MBTPS1: variants seen among roughly 807,000 people sequenced by gnomAD.
MBTPS1 encodes membrane bound transcription factor peptidase, site 1.
MBTPS1 carries 94 observed loss-of-function variants against 127.8 expected under a neutral mutation model. That is an observed-to-expected ratio of 0.74 (90% CI 0.62 to 0.87). The LOEUF (loss-of-function observed/expected upper bound fraction) is 0.87, where lower values mean the gene tolerates loss of function less well. MBTPS1 is among the 40% of genes least tolerant of loss of function. The pLI is 0.00. For missense variants in MBTPS1, 1,636 were observed against 1,353.2 expected (o/e 1.21, Z -3.28); for synonymous variants, 632 against 509.4 (o/e 1.24, Z -3.24).
chr16:84,062,896 TAA>T (rs1407812323), intron 19 of MBTPS1, among the ~76,000 whole-genome samples: 1 of 151,912 alleles, frequency 6.6e-6, no homozygotes. Flanking sequence ...AGCCCTCCAG[TAA>T]AAGAGTGAGT....
At chr16:84,084,507 A>G (rs935844256) in intron 10 of MBTPS1, among the ~76,000 whole-genome samples, 5 of 152,202 alleles carry the variant, frequency 3.3e-5, no homozygotes, top group African/African-American at 1.2e-4. Flanking sequence ...TTTACTATCT[A>G]TATGTATTCC....
intron 3 of MBTPS1, 42 bp from the exon 4 acceptor site, chr16:84,095,847 C>T (rs188843884): frequency 2.5e-4 from 388 of 1,529,096 alleles, no homozygotes; most frequent in African/African-American, 8.8e-4. Context: ...AAGAGCAAAA[C>T]GAACTACACG....
intron 9 of MBTPS1, 107 bp downstream of exon 9, chr16:84,087,251 G>A (rs902733533): frequency 1.9e-5 from 15 of 792,744 alleles, no homozygotes; most frequent in Middle Eastern, 4.6e-4. Flanking sequence ...TGAATGTGAG[G>A]GTGTCTGTGC....
At chr16:84,099,375 G>A (rs2086223758) in intron 2 of MBTPS1, 65 bp from the exon 3 acceptor site, 1 of 1,494,356 alleles carries the variant, frequency 6.7e-7, no homozygotes, top group South Asian at 1.3e-5. Context: ...ATACTATATT[G>A]TATCTAATCT....
intron 18 of MBTPS1, among the ~76,000 whole-genome samples, chr16:84,063,805 C>T (rs1441339736): frequency 6.6e-6 from 1 of 152,050 alleles, no homozygotes; most frequent in Non-Finnish European, 1.5e-5. Context: ...CCTATGTTTT[C>T]AGACACCTAC....
At chr16:84,113,318 C>G (rs1008798021) in intron 1 of MBTPS1, among the ~76,000 whole-genome samples, 1 of 152,178 alleles carries the variant, frequency 6.6e-6, no homozygotes, top group African/African-American at 2.4e-5. Context: ...ACCTGGTTAT[C>G]TTTCCATATA....
chr16:84,086,231 T>C (rs1224368978), intron 9 of MBTPS1: 3 of 152,204 alleles, frequency 2.0e-5, no homozygotes, highest in Non-Finnish European at 1.5e-5. Context: ...ATGAAGGCCA[T>C]GGACGTGACA....
At chr16:84,115,804 G>A (rs2086466849) in intron 1 of MBTPS1, among the ~76,000 whole-genome samples, 1 of 152,140 alleles carries the variant, frequency 6.6e-6, no homozygotes, top group African/African-American at 2.4e-5. Context: ...ATTTGGTAGT[G>A]GCTGTGCTGC....
In MBTPS1 at chr16:84,054,921, C is replaced by A. The variant is rs147173635; in HGVS notation, c.2963-276G>T. Among the ~76,000 whole-genome samples, 126 of 152,288 alleles carry A rather than the reference C, an allele frequency of 8.3e-4. 1 individual carries two copies. In the East Asian group the frequency reaches 0.023, roughly 28 times the overall value. ...GATCCCCGCAGACGGATGATCAGGC[C>A]CAGCTATGCTTCTGTCACAACCTAC... On this transcript the variant is annotated intron_variant, in intron 22 of 22. Transcript: ENST00000343411.
chr16:84,115,015 G>A (rs985765989), intron 1 of MBTPS1, among the ~76,000 whole-genome samples: 69 of 151,578 alleles, frequency 4.6e-4, no homozygotes, highest in African/African-American at 1.6e-3. Context: ...TACAACCTCT[G>A]CCGCCTGGGT....
In MBTPS1 at chr16:84,063,359, G is replaced by A. The variant is rs1460989146; in HGVS notation, c.2518C>T (p.Arg840Trp). The change falls in exon 19 of 23, where the codon CGG becomes TGG. Residue 840 changes from arginine (R) to tryptophan (W), a missense_variant. Transcript: ENST00000343411. The part of the protein sequence containing the change: ...LYQIPAEGGG[R>W]IVLYGDSNCL... ...TTGGAGTCCCCATACAGTACAATCC[G>A]GCCTCCACCCTCAGCTGGAATCTGA... is the stretch of plus-strand genomic sequence containing the variant. 4.3e-6 allele frequency: 7 copies of A among 1,613,904 alleles called. No individual in the cohort carries two copies. Among genetic ancestry groups the A allele is most frequent in the Admixed American group, 1.7e-5 (1 of 59,996 alleles).
At chr16:84,069,799 G>A (rs755669099) in intron 14 of MBTPS1, 67 bp downstream of exon 14, 14 of 1,395,532 alleles carry the variant, frequency 1.0e-5, no homozygotes, top group Admixed American at 6.2e-5. Context: ...CAAGAGTTGC[G>A]GGAACAGTGG....
chr16:84,081,628 C>T (rs979042300), intron 11 of MBTPS1, 119 bp downstream of exon 11: 9 of 815,172 alleles, frequency 1.1e-5, no homozygotes, highest in African/African-American at 5.3e-5. Context: ...CCAAGCACCC[C>T]GAGAATTCTG....
At chr16:84,094,839 G>A (rs2086157712) in intron 4 of MBTPS1, among the ~76,000 whole-genome samples, 1 of 152,158 alleles carries the variant, frequency 6.6e-6, no homozygotes, top group Admixed American at 6.5e-5. Flanking sequence ...AAGTATCTCA[G>A]ATATTTTGGA....
intron 12 of MBTPS1, among the ~76,000 whole-genome samples, chr16:84,072,651 A>G (rs1479907831): frequency 1.2e-4 from 19 of 152,060 alleles, no homozygotes; most frequent in African/African-American, 3.9e-4. Flanking sequence ...TTAGCCGGGC[A>G]TGGTGGTGGG....
chr16:84,087,863 C>T (rs183965176), intron 8 of MBTPS1, among the ~76,000 whole-genome samples: 56 of 152,294 alleles, frequency 3.7e-4, no homozygotes, highest in Non-Finnish European at 6.8e-4. Flanking sequence ...GTTCCCAGCA[C>T]ATTCATCTTA....
chr16:84,089,087 G>C (rs1250369295), intron 8 of MBTPS1, among the ~76,000 whole-genome samples: 3 of 152,282 alleles, frequency 2.0e-5, no homozygotes, highest in Admixed American at 6.5e-5. Flanking sequence ...ATGCGAAAGA[G>C]CTGGGAATCC....
In MBTPS1 at chr16:84,066,621, A is replaced by G. The variant is rs777253712; in HGVS notation, c.2229-8T>C. 2 of 1,613,750 alleles carry G rather than the reference A, an allele frequency of 1.2e-6. No homozygotes were observed. The highest frequency in any genetic ancestry group is 1.7e-6 in the Non-Finnish European group (2 of 1,179,874). On this transcript the variant is annotated splice_polypyrimidine_tract_variant and splice_region_variant and intron_variant, in intron 16 of 22. Transcript: ENST00000343411. ...TCCGGCATCCACCACTGCCTGGGAAAGTGGTAACAGACACACAGGGAACAG... is the reference window on the plus strand; with the variant it reads ...TCCGGCATCCACCACTGCCTGGGAAGGTGGTAACAGACACACAGGGAACAG...
At chr16:84,071,314 G>A (rs1008820114) in intron 12 of MBTPS1, among the ~76,000 whole-genome samples, 1 of 152,218 alleles carries the variant, frequency 6.6e-6, no homozygotes, top group African/African-American at 2.4e-5. Context: ...GGAAGCGTGA[G>A]CAGAGGCCAT....
Sources: gnomAD v4.1 joint callset for allele counts (sites outside exome capture counted in the v4.1 genomes callset) on GRCh38, gnomAD v4.1.1 for gene constraint, MANE v1.5 for transcripts, NCBI Gene and HGNC (gene_info 2026-07-23, HGNC 2026-07-21) for gene names.